Variants in RPAP1 observed in about 807,000 individuals in gnomAD.
RPAP1 encodes the protein RNA polymerase II associated protein 1.
In RPAP1, 109 loss-of-function variants were observed where a neutral mutation model predicts 142.4. The ratio of observed to expected loss-of-function variants is 0.77; its 90% CI spans 0.66 to 0.90. The LOEUF is 0.90. Ranked by LOEUF, RPAP1 falls within the 40% of genes least tolerant of loss-of-function variation. RPAP1 has a pLI of 0.00. For missense variants in RPAP1, 1,546 were observed against 1,751.7 expected, an observed-to-expected ratio of 0.88 and a Z score of 2.10; for synonymous variants, 704 against 738.9, an observed-to-expected ratio of 0.95 and a Z score of 0.77.
chr15:41,543,401 C>T lies in RPAP1; in HGVS notation c.-77+818G>A, dbSNP rs551375561. 4.6e-5 allele frequency among the ~76,000 whole-genome samples: 7 copies of T among 151,778 alleles called. No homozygotes were observed. The South Asian group carries it at 1.5e-3, about 32-fold the overall frequency. The stretch of plus-strand genomic sequence containing the variant: ...ATTTTTTGTATTTTTTTAGTACAGA[C>T]GGGGTTTCACCATGTTGGCCAGACT... On this transcript the variant is annotated intron_variant, in intron 1 of 24. Coordinates refer to ENST00000304330, the MANE Select transcript of RPAP1 (RefSeq NM_015540.4).
chr15:41,528,258 C>T lies in RPAP1; in HGVS notation c.1237G>A (p.Val413Met), dbSNP rs2051815547. The T allele has an allele frequency of 5.6e-6, 9 of 1,608,302 alleles. No homozygotes were observed. The highest frequency in any genetic ancestry group is 1.7e-5 in the Admixed American group (1 of 59,266). Residue 413 changes from valine to methionine, a missense_variant, in exon 10 of 25, where the codon GTG becomes ATG. By Grantham distance (21) the Val-to-Met change is conservative. Around this residue, in one of 3 missense-constraint regions of RPAP1, gnomAD observed 1,333 missense variants for 1,486.6 expected, o/e 0.90. Transcript: ENST00000304330. ...ACCCTGCTGATGACCTGGGCTAACA[C>T]ATGCAGTGCCAGTGCTCTCTGCTGG... ...VSQQRALALHVLAQVISRAQA... is the reference protein window; with the variant it reads ...VSQQRALALHMLAQVISRAQA...
rs2051675845 is a variant in RPAP1, at chr15:41,517,423, CCTT to C, written c.*116_*118del. 1.0e-6 allele frequency: 1 copy of C among 965,368 alleles called. No homozygotes were observed. Among genetic ancestry groups the C allele is most frequent in the Admixed American group, 2.4e-5 (1 of 41,542 alleles). The allele number at this position is 965,368 out of a possible 1,614,324, so 59.8% of individuals were successfully genotyped here. A position where few individuals can be genotyped will look rare whatever the true frequency, so the allele number is the denominator to read the frequency against. ...AACAACCTGCTCCCAGGAAGGCAAG[CCTT>C]CTGCTCCTTGGTCTCCTGCCTACCA... is the stretch of plus-strand genomic sequence containing the variant. On this transcript the variant is annotated 3_prime_UTR_variant, in exon 25 of 25. Coordinates refer to ENST00000304330, the MANE Select transcript of RPAP1 (RefSeq NM_015540.4).
chr15:41,521,629 G>C, intron 21 of RPAP1, 109 bp downstream of exon 21: 1 of 1,271,818 alleles, frequency 7.9e-7, no homozygotes, highest in South Asian at 1.5e-5. Context: ...AGTGTCGTCG[G>C]TGGAAGAAAG....
At position 41,527,932 on chromosome 15, in the gene RPAP1, A is replaced by G. The variant is rs1157299588; in HGVS notation, c.1356T>C (p.Asp452=). The change falls in exon 11 of 25, where the codon GAT becomes GAC. Residue 452 remains aspartate (D), a synonymous_variant. Transcript: ENST00000304330. ...GFLFLLRFSL[D]DRVDGVIATA... is the part of the protein sequence containing the mutation. ...TTGCAATGACCCCATCCACTCTGTC[A>G]TCCAAGGAGAAGCGCAGTAGGAAGA... 6.2e-7 allele frequency: 1 copy of G among 1,614,112 alleles called. No individual in the cohort carries two copies. Among genetic ancestry groups the G allele is most frequent in the Non-Finnish European group, 8.5e-7 (1 of 1,180,014 alleles).
chr15:41,530,280 TGAA>T (rs770838220), intron 7 of RPAP1, among the ~76,000 whole-genome samples: 7 of 151,998 alleles, frequency 4.6e-5, no homozygotes, highest in Non-Finnish European at 8.8e-5. Flanking sequence ...GAGAAAAAGA[TGAA>T]GAAGGAGGAC....
intron 19 of RPAP1, 114 bp downstream of exon 19, chr15:41,522,651 A>G (rs2051740387): frequency 1.0e-6 from 1 of 989,998 alleles, no homozygotes; most frequent in East Asian, 3.0e-5. Context: ...CGGCCTCCCA[A>G]ACTGCTGGGA....
In RPAP1 at chr15:41,525,125, G is replaced by A. The variant is rs1356486835; in HGVS notation, c.1941C>T (p.Ser647=). The A allele has an allele frequency of 3.7e-6, 6 of 1,611,980 alleles. No homozygotes were observed. In the Admixed American group the frequency reaches 8.4e-5, roughly 23 times the overall value. The part of the protein sequence containing the change: ...ARLLSSFDLR[S]RLCRIIAEAP... ...CCTCAGCTATGATGCGGCACAGGCGGCTCCGGAGATCAAAGCTGCTCAACT... is the reference window on the plus strand; with the variant it reads ...CCTCAGCTATGATGCGGCACAGGCGACTCCGGAGATCAAAGCTGCTCAACT... Residue 647 remains serine (S), a synonymous_variant, in exon 15 of 25, where the codon AGC becomes AGT. Coordinates refer to ENST00000304330, the MANE Select transcript of RPAP1 (RefSeq NM_015540.4).
At chr15:41,533,978 TGGG>T (rs2051881641) in intron 6 of RPAP1, among the ~76,000 whole-genome samples, 1 of 150,968 alleles carries the variant, frequency 6.6e-6, no homozygotes, top group Non-Finnish European at 1.5e-5. Context: ...AAAAATTAGT[TGGG>T]TATGGTGGTG....
rs748999082 is a variant in RPAP1, at chr15:41,522,906, G to A, written c.2601C>T (p.Pro867=). The change falls in exon 19 of 25, where the codon CCC becomes CCT. Residue 867 remains proline, a synonymous_variant. Transcript: ENST00000304330. ...PLSCVPALEA[P]PSLVSLGCSG... is the part of the protein sequence containing the mutation. ...AGCAGCCCAGTGACACGAGGCTGGG[G>A]GGAGCTTCAAGGGCTGGCACACAGG... is the stretch of plus-strand genomic sequence containing the variant. The A allele has an allele frequency of 1.3e-6, 2 of 1,568,864 alleles. No individual in the cohort carries two copies. Among genetic ancestry groups the A allele is most frequent in the Non-Finnish European group, 1.7e-6 (2 of 1,166,336 alleles).
At chr15:41,536,719 G>GA in intron 2 of RPAP1, 70 bp from the exon 3 acceptor site, 1 of 1,557,554 alleles carries the variant, frequency 6.4e-7, no homozygotes, top group South Asian at 1.2e-5. Context: ...GGCTAGGGAA[G>GA]AAAGACAGCT....
Position 41,517,849 on chromosome 15 carries a change from G to C in RPAP1, c.3981C>G (p.Val1327=), listed in dbSNP as rs935358646. Residue 1327 remains valine, a synonymous_variant, in exon 24 of 25, where the codon GTC becomes GTG. Coordinates refer to ENST00000304330, the MANE Select transcript of RPAP1 (RefSeq NM_015540.4). The part of the protein sequence containing the change: ...FSQDPQSSDE[V]KAARRSMLQK... ...GCAGCATACTCCTGCGGGCAGCTTTGACCTCATCCTAGAAGCAGAACAGGG... is the reference window on the plus strand; with the variant it reads ...GCAGCATACTCCTGCGGGCAGCTTTCACCTCATCCTAGAAGCAGAACAGGG... The C allele has an allele frequency of 6.2e-7, 1 of 1,613,972 alleles. No homozygotes were observed. Among genetic ancestry groups the C allele is most frequent in the African/African-American group, 1.3e-5 (1 of 74,914 alleles).
Position 41,517,972 on chromosome 15 carries a change from C to A in RPAP1, c.3972+34G>T, listed in dbSNP as rs765364634. On this transcript the variant is annotated intron_variant, in intron 23 of 24. Coordinates refer to ENST00000304330, the MANE Select transcript of RPAP1 (RefSeq NM_015540.4). ...CCAGAGGCAGCTCAATTGCTAGCTC[C>A]CTTCCTTCCTCTGAAGATGGAGATG... 5 of 1,613,736 alleles carry A rather than the reference C, an allele frequency of 3.1e-6. No homozygotes were observed. The highest frequency in any genetic ancestry group is 2.7e-5 in the African/African-American group (2 of 74,926).
rs1243992923 is a variant in RPAP1 at position 41,536,565 on chromosome 15, T to C, written c.266A>G (p.Glu89Gly). The change falls in exon 3 of 25, where the codon GAG becomes GGG. Residue 89 changes from glutamate to glycine, a missense_variant. Physicochemically the swap from Glu to Gly is moderately conservative, Grantham distance 98. Transcript: ENST00000304330. ...CCTCCTCAGCCTCTCTTCTGGGTCC[T>C]CATCCTCAGGCAGGCAGTGGCCAGG... is the stretch of plus-strand genomic sequence containing the variant. ...PSPGHCLPEDEDPEERLRRHD... is the reference protein window; with the variant it reads ...PSPGHCLPEDGDPEERLRRHD... The C allele has an allele frequency of 6.2e-7, 1 of 1,614,202 alleles. No individual in the cohort carries two copies. Among genetic ancestry groups the C allele is most frequent in the Admixed American group, 1.7e-5 (1 of 60,020 alleles).
intron 22 of RPAP1, 72 bp downstream of exon 22, chr15:41,520,319 C>T: frequency 1.3e-6 from 2 of 1,558,876 alleles, no homozygotes; most frequent in Non-Finnish European, 1.8e-6. Context: ...TCCAAAGCTC[C>T]TCAAGGCTCA....
In RPAP1 at chr15:41,536,117, A is replaced by G. The variant is rs2051903773; in HGVS notation, c.420+12T>C. 1.9e-6 allele frequency: 3 copies of G among 1,610,502 alleles called. No homozygotes were observed. Among genetic ancestry groups the G allele is most frequent in the East Asian group, 4.5e-5 (2 of 44,872 alleles). ...TGTCTCCTGAGCACCACCTAAGCTT[A>G]CCCTTGCCTACCTGTGTGTCCCGCG... On this transcript the variant is annotated intron_variant, in intron 4 of 24. Coordinates refer to ENST00000304330, the MANE Select transcript of RPAP1 (RefSeq NM_015540.4).
rs753378244 is a variant in RPAP1 at position 41,517,575 on chromosome 15, T to C, written c.4149A>G (p.Ser1383=). 8 of 1,596,362 alleles carry C rather than the reference T, an allele frequency of 5.0e-6. No individual in the cohort carries two copies. Among genetic ancestry groups the C allele is most frequent in the Non-Finnish European group, 6.8e-6 (8 of 1,171,532 alleles). Residue 1383 remains serine, a synonymous_variant, in exon 25 of 25, where the codon TCA becomes TCG. Coordinates refer to ENST00000304330, the MANE Select transcript of RPAP1 (RefSeq NM_015540.4). ...CTGATACCCCATTTTGGAGCACTGT[T>C]GAAGTCAGTCTCTGGAGGTAGTGCT... is the stretch of plus-strand genomic sequence containing the variant. The part of the protein sequence containing the change: ...LRQHYLQRLT[S]TVLQNGVSET
chr15:41,518,489 C>T (rs1423787278), intron 22 of RPAP1: 1 of 227,928 alleles, frequency 4.4e-6, no homozygotes, highest in Non-Finnish European at 8.5e-6. Context: ...CAAGACCAGC[C>T]TGGCCAACAT....
intron 4 of RPAP1, 48 bp from the exon 5 acceptor site, chr15:41,535,680 T>C (rs1484197476): frequency 1.3e-6 from 2 of 1,594,660 alleles, no homozygotes; most frequent in Non-Finnish European, 1.7e-6. Context: ...ATCATCCCAC[T>C]TTCCTCTCAA....
chr15:41,520,082 C>T (rs968394944), intron 22 of RPAP1: 6 of 324,448 alleles, frequency 1.8e-5, no homozygotes, highest in African/African-American at 6.4e-5. Flanking sequence ...TACAGGCACC[C>T]GCAACCACGC....
Sources: allele counts gnomAD v4.1 joint callset (sites outside exome capture counted in the v4.1 genomes callset), GRCh38; gene constraint gnomAD v4.1.1; regional missense constraint gnomAD v4.1.1; transcripts MANE v1.5; gene names NCBI Gene and HGNC (gene_info 2026-07-23, HGNC 2026-07-21).